The following NRG1 variants were observed in gnomAD, a reference collection of about 807,000 sequenced individuals.
NRG1 encodes the protein neuregulin 1.
NRG1 carries 18 observed loss-of-function variants against 63.8 expected under a neutral mutation model. The observed-to-expected ratio is 0.28, with a 90% CI of 0.19 to 0.42. NRG1 has a LOEUF of 0.42. Among genes scored for constraint, NRG1 ranks in the 10% least tolerant of loss-of-function variants. NRG1 has a pLI of 1.00. For missense variants in NRG1, 762 were observed against 814.7 expected, an observed-to-expected ratio of 0.94 and a Z score of 0.79; for synonymous variants, 302 against 301.3, an observed-to-expected ratio of 1.00 and a Z score of -0.02.
At chr8:32,073,420 C>A (rs1467946662) in intron 1 of NRG1, among the ~76,000 whole-genome samples, 1 of 152,076 alleles carries the variant, frequency 6.6e-6, no homozygotes, top group East Asian at 1.9e-4. Context: ...AAAGTCCTGG[C>A]AGATTTCTCC....
At chr8:31,821,488 C>A (rs1350563160) in intron 1 of NRG1, among the ~76,000 whole-genome samples, 1 of 152,142 alleles carries the variant, frequency 6.6e-6, no homozygotes, top group Non-Finnish European at 1.5e-5. Flanking sequence ...AGTTTAAGAT[C>A]TTTTTCTAAA....
chr8:32,175,356 C>G (rs186484826), intron 1 of NRG1, among the ~76,000 whole-genome samples: 1 of 152,150 alleles, frequency 6.6e-6, no homozygotes, highest in Non-Finnish European at 1.5e-5. Flanking sequence ...CTATCTATGA[C>G]AAACCCATAG....
intron 7 of NRG1, chr8:32,749,876 C>A: frequency 2.4e-6 from 1 of 415,098 alleles, no homozygotes. Flanking sequence ...CTGATTGGAT[C>A]TAGCTCTGCT....
intron 1 of NRG1, among the ~76,000 whole-genome samples, chr8:32,082,085 T>C (rs1827543533): frequency 6.6e-6 from 1 of 152,082 alleles, no homozygotes; most frequent in African/African-American, 2.4e-5. Flanking sequence ...ATTAAGATCT[T>C]GTTGAAGATT....
At chr8:32,521,523 C>A (rs1330069406) in intron 1 of NRG1, among the ~76,000 whole-genome samples, 1 of 152,010 alleles carries the variant, frequency 6.6e-6, no homozygotes, top group Non-Finnish European at 1.5e-5. Flanking sequence ...CAGAAGTGCT[C>A]AAAAGAGTTT....
chr8:32,723,800 GA>G (rs1203313815), intron 5 of NRG1, among the ~76,000 whole-genome samples: 1 of 150,936 alleles, frequency 6.6e-6, no homozygotes, highest in Non-Finnish European at 1.5e-5. Context: ...AGAAGGGAGG[GA>G]GGGGCAGGCT....
intron 1 of NRG1, among the ~76,000 whole-genome samples, chr8:31,643,823 AG>A (rs530527767): frequency 1.4e-3 from 215 of 152,344 alleles, no homozygotes; most frequent in African/African-American, 4.9e-3. Context: ...TGGTTATATG[AG>A]GCAGAAGCTG....
chr8:31,816,321 C>G (rs1344310433), intron 1 of NRG1, among the ~76,000 whole-genome samples: 2 of 152,174 alleles, frequency 1.3e-5, no homozygotes, highest in Non-Finnish European at 2.9e-5. Context: ...ATCCTCTCTT[C>G]CGATGACGGT....
chr8:32,725,271 G>A (rs748350876), intron 5 of NRG1, among the ~76,000 whole-genome samples: 5 of 152,048 alleles, frequency 3.3e-5, no homozygotes, highest in Non-Finnish European at 2.9e-5. Flanking sequence ...GAGATGCAAA[G>A]GCCACTAGGG....
At chr8:32,207,493 A>T (rs1363080246) in intron 1 of NRG1, among the ~76,000 whole-genome samples, 4 of 152,114 alleles carry the variant, frequency 2.6e-5, no homozygotes, top group Admixed American at 6.6e-5. Context: ...TTACCCTGTT[A>T]AGCATCTCTG....
chr8:32,030,708 A>G (rs2130462767), intron 1 of NRG1, among the ~76,000 whole-genome samples: 2 of 152,240 alleles, frequency 1.3e-5, no homozygotes, highest in South Asian at 4.1e-4. Flanking sequence ...TGTGGCTCAA[A>G]CAAATGAGAG....
At chr8:32,175,844 A>C (rs1306051471) in intron 1 of NRG1, among the ~76,000 whole-genome samples, 5 of 152,238 alleles carry the variant, frequency 3.3e-5, no homozygotes, top group Non-Finnish European at 7.3e-5. Context: ...GATACAAACA[A>C]ATGGAAGAAC....
rs1164696498 is a variant in NRG1 at position 32,366,677 on chromosome 8, G to GTGTATATATATATA, written c.38-229150_38-229149insGTATATATATATAT. Among the ~76,000 whole-genome samples, 349 of 87,034 alleles carry GTGTATATATATATA rather than the reference G, an allele frequency of 4.0e-3. 1 individual carries two copies. The highest frequency in any genetic ancestry group is 6.1e-3 in the Non-Finnish European group (269 of 44,458). 57.1% of individuals were successfully genotyped at this position (87,034 alleles called of 152,430 possible). Reference sequence around the variant, plus strand: ...ATTGTGTGTGTGTGTGTGTGTGTGTGTATATATATATATATATATATATAT... The same window carrying GTGTATATATATATA: ...ATTGTGTGTGTGTGTGTGTGTGTGTGTGTATATATATATATATATATATATATATATATATATAT... On this transcript the variant is annotated intron_variant, in intron 1 of 10. Transcript: ENST00000519301.
intron 1 of NRG1, among the ~76,000 whole-genome samples, chr8:32,138,111 C>G (rs1465785624): frequency 6.6e-6 from 1 of 152,042 alleles, no homozygotes; most frequent in Non-Finnish European, 1.5e-5. Flanking sequence ...CTCTTACTGC[C>G]TGTTCCTTGC....
chr8:31,941,597 C>A (rs1009815501), intron 1 of NRG1, among the ~76,000 whole-genome samples: 10 of 152,234 alleles, frequency 6.6e-5, no homozygotes, highest in African/African-American at 2.4e-4. Context: ...AAGAAGACAT[C>A]AAATTGTTGC....
intron 1 of NRG1, among the ~76,000 whole-genome samples, chr8:32,070,178 G>A (rs542913383): frequency 5.9e-5 from 9 of 152,206 alleles, no homozygotes; most frequent in African/African-American, 1.7e-4. Flanking sequence ...TACTGTCCTG[G>A]GTATGAGCTA....
intron 1 of NRG1, among the ~76,000 whole-genome samples, chr8:31,852,930 G>A (rs1438973681): frequency 1.3e-5 from 2 of 151,980 alleles, no homozygotes; most frequent in Non-Finnish European, 2.9e-5. Context: ...TAGATATGTG[G>A]CGTTATTTCT....
At chr8:32,411,503 G>C (rs1814942707) in intron 1 of NRG1, among the ~76,000 whole-genome samples, 1 of 152,216 alleles carries the variant, frequency 6.6e-6, no homozygotes, top group Admixed American at 6.5e-5. Context: ...TTCTATCCAA[G>C]AGGTGCAAGC....
rs1853902978 is a variant in NRG1 at position 32,647,634 on chromosome 8, A to G, written c.502+30749A>G. 2 of 1,479,428 alleles carry G rather than the reference A, an allele frequency of 1.4e-6. 1 individual carries two copies. The highest frequency in any genetic ancestry group is 2.9e-5 in the South Asian group (2 of 68,416). The allele number at this position is 1,479,428 out of a possible 1,614,324, so 91.6% of individuals were successfully genotyped here. On this transcript the variant is annotated intron_variant, in intron 5 of 11. Coordinates refer to ENST00000356819, the Ensembl canonical transcript of NRG1. ...GGACGATTTATCGATTTCCCCCTGT[A>G]AGATGCTGTATCATTTGGTTGGGGG... is the stretch of plus-strand genomic sequence containing the variant.
Sources: gnomAD v4.1 joint callset for allele counts (sites outside exome capture counted in the v4.1 genomes callset) on GRCh38, gnomAD v4.1.1 for gene constraint, MANE v1.5 for transcripts, NCBI Gene and HGNC (gene_info 2026-07-23, HGNC 2026-07-21) for gene names.